Variants in EFHB observed in about 807,000 individuals in gnomAD.
EFHB encodes EF-hand domain family member B.
Under a neutral mutation model 87.2 loss-of-function variants are expected in EFHB, and 91 were observed. The observed-to-expected ratio is 1.04, with a 90% CI of 0.88 to 1.24. EFHB has a LOEUF of 1.24. EFHB is among the 50% of genes most tolerant of loss of function. The pLI, the probability that EFHB is intolerant of heterozygous loss-of-function variation, is 0.00. For missense variants in EFHB, 1,084 were observed against 998.8 expected, an observed-to-expected ratio of 1.09 and a Z score of -1.15; for synonymous variants, 325 against 333.6, an observed-to-expected ratio of 0.97 and a Z score of 0.28.
intron 1 of EFHB, chr3:19,946,091 T>G (rs1388725505): frequency 2.6e-5 from 4 of 152,114 alleles, no homozygotes; most frequent in African/African-American, 9.7e-5. Context: ...CTTCAGTAGG[T>G]CCCCCGTGGA....
intron 5 of EFHB, among the ~76,000 whole-genome samples, chr3:19,911,618 G>A (rs1695066282): frequency 6.6e-6 from 1 of 151,754 alleles, no homozygotes; most frequent in African/African-American, 2.4e-5. Context: ...CAGAAATTCT[G>A]GAACTGAAAA....
intron 1 of EFHB, among the ~76,000 whole-genome samples, chr3:19,939,839 A>G (rs1696116049): frequency 1.3e-5 from 2 of 152,218 alleles, no homozygotes; most frequent in Admixed American, 1.3e-4. Context: ...TCTGATCTAA[A>G]AAAGGCTTTG....
chr3:19,907,602 T>C (rs1442113083), intron 5 of EFHB, among the ~76,000 whole-genome samples: 1 of 152,218 alleles, frequency 6.6e-6, no homozygotes, highest in Non-Finnish European at 1.5e-5. Context: ...ATTTACCTCA[T>C]ATTAGAAACA....
intron 6 of EFHB, among the ~76,000 whole-genome samples, chr3:19,900,484 T>C (rs1037917848): frequency 3.2e-4 from 48 of 152,096 alleles, no homozygotes; most frequent in Non-Finnish European, 5.4e-4. Flanking sequence ...CAAAAAAATA[T>C]GGTAAAACAC....
intron 5 of EFHB, among the ~76,000 whole-genome samples, chr3:19,912,505 T>C (rs1254599383): frequency 1.3e-5 from 2 of 151,940 alleles, no homozygotes; most frequent in African/African-American, 2.4e-5. Flanking sequence ...TAATAAGCAA[T>C]GAATAATCAC....
At chr3:19,937,062 G>A (rs1220329499), upstream of EFHB, among the ~76,000 whole-genome samples, 3 of 151,474 alleles carry the variant, frequency 2.0e-5, no homozygotes, top group African/African-American at 7.3e-5. Flanking sequence ...TCAGCTACTC[G>A]GGAGGCTGAG....
chr3:19,913,474 T>A (rs1203997603), intron 5 of EFHB, among the ~76,000 whole-genome samples: 5 of 152,140 alleles, frequency 3.3e-5, no homozygotes, highest in Non-Finnish European at 4.4e-5. Flanking sequence ...TAAAATTAAA[T>A]ATCTAGGAAT....
chr3:19,930,360 C>T (rs1695787839), intron 1 of EFHB, among the ~76,000 whole-genome samples: 1 of 152,124 alleles, frequency 6.6e-6, no homozygotes, highest in African/African-American at 2.4e-5. Context: ...GAATCTGGTT[C>T]CACCCATTCT....
chr3:19,939,530 G>A (rs572035334), intron 1 of EFHB, among the ~76,000 whole-genome samples: 327 of 150,778 alleles, frequency 2.2e-3, no homozygotes, highest in African/African-American at 7.3e-3. Context: ...GACTACAGGC[G>A]CCCGCCACCA....
chr3:19,892,971 A>C (rs964116502), intron 9 of EFHB, among the ~76,000 whole-genome samples: 3 of 146,286 alleles, frequency 2.1e-5, no homozygotes, highest in South Asian at 2.1e-4. Flanking sequence ...TTTTTTTTTT[A>C]GATGGAGTCT....
At chr3:19,909,537 G>C (rs908775872) in intron 5 of EFHB, among the ~76,000 whole-genome samples, 52 of 152,308 alleles carry the variant, frequency 3.4e-4, no homozygotes, top group African/African-American at 1.2e-3. Flanking sequence ...ACCAGGCCCA[G>C]AGACAGTGGA....
In EFHB at chr3:19,920,585, G is replaced by A; in HGVS notation, c.790-18C>T. The A allele has an allele frequency of 1.3e-6, 2 of 1,585,330 alleles. No individual in the cohort carries two copies. The highest frequency in any genetic ancestry group is 2.3e-5 in the South Asian group (2 of 85,860). ...TTTCCTGCCTTTGGGGGAAAAAAAT[G>A]GGTTGATCATTGCCAGGGTGGAAGA... On this transcript the variant is annotated intron_variant, in intron 1 of 12. Transcript: ENST00000295824.
chr3:19,930,727 C>T (rs903652540), intron 1 of EFHB, among the ~76,000 whole-genome samples: 1 of 152,182 alleles, frequency 6.6e-6, no homozygotes, highest in Non-Finnish European at 1.5e-5. Flanking sequence ...GCACCTCTCC[C>T]AAGTAGCTAG....
chr3:19,943,801 C>A (rs897389772), intron 1 of EFHB, among the ~76,000 whole-genome samples: 1 of 152,156 alleles, frequency 6.6e-6, no homozygotes, highest in African/African-American at 2.4e-5. Flanking sequence ...TATAACCCAA[C>A]CCCTATCTCA....
chr3:19,935,632 A>C (rs1695994159), upstream of EFHB, among the ~76,000 whole-genome samples: 1 of 152,080 alleles, frequency 6.6e-6, no homozygotes, highest in South Asian at 2.1e-4. Flanking sequence ...GAATCATTTA[A>C]ACCCGGAGGC....
At chr3:19,882,039 A>ATAAATAAATAAATAAATAAT (rs1553627399) in intron 12 of EFHB, among the ~76,000 whole-genome samples, 4 of 141,860 alleles carry the variant, frequency 2.8e-5, no homozygotes, top group Admixed American at 2.8e-4. Flanking sequence ...AAATAAATAA[A>ATAAATAAATAAATAAATAAT]TAAATAAATA....
chr3:19,915,523 C>T, intron 4 of EFHB, 110 bp from the exon 5 acceptor site: 3 of 664,884 alleles, frequency 4.5e-6, no homozygotes, highest in Non-Finnish European at 7.7e-6. Context: ...TGCAAGGCTA[C>T]ATAGACATCC....
At chr3:19,937,155 T>C (rs979120709), upstream of EFHB, among the ~76,000 whole-genome samples, 1 of 148,290 alleles carries the variant, frequency 6.7e-6, no homozygotes, top group South Asian at 2.2e-4. Flanking sequence ...GATAACAGAA[T>C]AAGACTGTCT....
upstream of EFHB, among the ~76,000 whole-genome samples, chr3:19,935,584 C>T (rs563738955): frequency 3.4e-4 from 51 of 152,096 alleles, no homozygotes; most frequent in African/African-American, 1.1e-3. Flanking sequence ...TGGTGTCCAG[C>T]GCCTGTAATC....
Sources: allele counts gnomAD v4.1 joint callset (sites outside exome capture counted in the v4.1 genomes callset), GRCh38; gene constraint gnomAD v4.1.1; transcripts MANE v1.5; gene names NCBI Gene and HGNC (gene_info 2026-07-23, HGNC 2026-07-21).